The following POLB variants were observed in gnomAD, a reference collection of about 807,000 sequenced individuals.
POLB encodes the protein DNA polymerase beta, also known as 5'-dRP lyase.
Under a neutral mutation model 52.7 loss-of-function variants are expected in POLB, and 37 were observed. The observed-to-expected ratio is 0.70, with a 90% CI of 0.54 to 0.92. POLB has a LOEUF of 0.92. POLB is among the 40% of genes least tolerant of loss of function. The probability of loss-of-function intolerance (pLI) is 0.00; values close to 1 mark genes in which losing one functional copy is unlikely to be tolerated. For synonymous variants in POLB, 138 were observed against 131.3 expected (o/e 1.05, Z -0.35); for missense variants, 313 against 400.8 (o/e 0.78, Z 1.87).
chr8:42,355,551 CA>C lies in POLB; in HGVS notation c.407del (p.Gln136ArgfsTer5). On this transcript the variant is annotated frameshift_variant, in exon 7 of 14. Coordinates refer to ENST00000265421, the MANE Select transcript of POLB (RefSeq NM_002690.3). LOFTEE classifies it high-confidence loss of function. Reference sequence around the variant, plus strand: ...AAATGAAGATAAATTGAACCATCATCAGCGAATTGGGCTGAAGTAAGATGGC... The same window carrying C: ...AAATGAAGATAAATTGAACCATCATCGCGAATTGGGCTGAAGTAAGATGGC... ...RKNEDKLNHH[Q>X]RIGLKYFGDF... The C allele has an allele frequency of 1.3e-6, 2 of 1,595,640 alleles. No homozygotes were observed. The highest frequency in any genetic ancestry group is 1.7e-6 in the Non-Finnish European group (2 of 1,163,888).
At chr8:42,340,375 G>T (rs149625213) in intron 2 of POLB, among the ~76,000 whole-genome samples, 30 of 152,146 alleles carry the variant, frequency 2.0e-4, no homozygotes, top group Non-Finnish European at 3.8e-4. Context: ...TTATTAAAAC[G>T]ACTATATAAG....
At chr8:42,357,665 T>G (rs893106182) in intron 9 of POLB, 1 of 335,568 alleles carries the variant, frequency 3.0e-6, no homozygotes, top group Non-Finnish European at 5.3e-6. Flanking sequence ...ATGGTTGTCT[T>G]TGGCCTTTTG....
intron 8 of POLB, 47 bp downstream of exon 8, chr8:42,357,270 C>T (rs1011805576): frequency 1.4e-6 from 2 of 1,427,834 alleles, no homozygotes; most frequent in Admixed American, 3.4e-5. Context: ...GAGAGTGTCA[C>T]TTGGTGAAAA....
At chr8:42,347,121 G>A (rs1009460534) in intron 3 of POLB, among the ~76,000 whole-genome samples, 1 of 151,820 alleles carries the variant, frequency 6.6e-6, no homozygotes, top group African/African-American at 2.4e-5. Flanking sequence ...CTGCGCTTAT[G>A]GTATATTCCT....
chr8:42,362,790 T>C, intron 11 of POLB, 92 bp downstream of exon 11: 1 of 701,046 alleles, frequency 1.4e-6, no homozygotes. Flanking sequence ...TAGCTTTGAA[T>C]TACAGTCACC....
chr8:42,352,586 T>G lies in POLB; in HGVS notation c.370+18T>G. The G allele has an allele frequency of 2.0e-6, 3 of 1,482,038 alleles. No homozygotes were observed. In the South Asian group the frequency reaches 3.4e-5, roughly 17 times the overall value. 91.8% of individuals were successfully genotyped at this position (1,482,038 alleles called of 1,614,324 possible). ...ACTAGAAGGTGAGTATGACTGTAGG[T>G]CACTAATTCCAGATTAAATATGGTC... is the stretch of plus-strand genomic sequence containing the variant. On this transcript the variant is annotated intron_variant, in intron 6 of 13. Coordinates refer to ENST00000265421, the MANE Select transcript of POLB (RefSeq NM_002690.3).
intron 13 of POLB, among the ~76,000 whole-genome samples, 157 bp from the exon 14 acceptor site, chr8:42,371,406 A>G (rs1824383076): frequency 6.6e-6 from 1 of 151,884 alleles, no homozygotes; most frequent in South Asian, 2.1e-4. Flanking sequence ...TACAGGCGTG[A>G]GCTACCACAT....
At chr8:42,369,539 A>G in intron 12 of POLB, 1 of 517,338 alleles carries the variant, frequency 1.9e-6, no homozygotes, top group Non-Finnish European at 3.4e-6. Context: ...TATTTTCTCT[A>G]GATTTGCACC....
At chr8:42,359,735 C>T (rs1016948415) in intron 9 of POLB, among the ~76,000 whole-genome samples, 5 of 151,282 alleles carry the variant, frequency 3.3e-5, no homozygotes, top group African/African-American at 4.9e-5. Flanking sequence ...TTATCCAGTC[C>T]GCTATTAATG....
At chr8:42,341,189 G>A (rs1274942423) in intron 2 of POLB, among the ~76,000 whole-genome samples, 6 of 152,170 alleles carry the variant, frequency 3.9e-5, no homozygotes, top group African/African-American at 1.2e-4. Flanking sequence ...ATCTGATCTT[G>A]TCAGTCAAAT....
chr8:42,342,169 G>A (rs1822242757), intron 2 of POLB: 1 of 1,542,526 alleles, frequency 6.5e-7, no homozygotes, highest in South Asian at 1.1e-5. Flanking sequence ...AAACTTTATT[G>A]CCAGTGGTAG....
intron 3 of POLB, among the ~76,000 whole-genome samples, chr8:42,348,470 C>T (rs1191584412): frequency 6.6e-6 from 1 of 152,140 alleles, no homozygotes; most frequent in Non-Finnish European, 1.5e-5. Flanking sequence ...TCCAGAGCAG[C>T]GCTTCTTAGA....
At chr8:42,365,971 G>A (rs1824012004) in intron 11 of POLB, among the ~76,000 whole-genome samples, 1 of 152,040 alleles carries the variant, frequency 6.6e-6, no homozygotes, top group African/African-American at 2.4e-5. Context: ...GTGGTGGCGG[G>A]CGCCTGTAGT....
Position 42,352,639 on chromosome 8 carries a change from C to A in POLB, c.370+71C>A, listed in dbSNP as rs549097500. On this transcript the variant is annotated intron_variant, in intron 6 of 13. Transcript: ENST00000265421. ...GAAGGACCATTAGTGCTCTAACAAA[C>A]TTCAACTTGAAAAACCCATTCTCAA... The A allele has an allele frequency of 1.7e-5, 16 of 926,092 alleles. 2 individuals are homozygous for A. In the African/African-American group the frequency reaches 1.8e-4, roughly 10 times the overall value. 57.4% of individuals were successfully genotyped at this position (926,092 alleles called of 1,614,324 possible).
intron 9 of POLB, 156 bp downstream of exon 9, chr8:42,357,548 A>G (rs1341554028): frequency 5.9e-6 from 3 of 506,698 alleles, no homozygotes; most frequent in Admixed American, 3.8e-5. Context: ...ATAGATGGGA[A>G]TATGTAACTA....
At chr8:42,365,233 CTT>C (rs1398332307) in intron 11 of POLB, among the ~76,000 whole-genome samples, 2 of 152,152 alleles carry the variant, frequency 1.3e-5, no homozygotes, top group Non-Finnish European at 2.9e-5. Context: ...GGTGGTCACA[CTT>C]TAACAATGCT....
At position 42,361,296 on chromosome 8, in the gene POLB, T is replaced by G; in HGVS notation, c.552T>G (p.Gly184=). ...CATATGTGTCTTCTGTCATCACAGG[T>G]GCAGAGTCCAGTGGTGACATGGATG... The part of the protein sequence containing the change: ...IATVCGSFRR[G]AESSGDMDVL... The change falls in exon 10 of 14, where the codon GGT becomes GGG. Residue 184 remains glycine (G), a splice_region_variant and synonymous_variant. Coordinates refer to ENST00000265421, the MANE Select transcript of POLB (RefSeq NM_002690.3). 6.2e-7 allele frequency: 1 copy of G among 1,608,866 alleles called. No individual in the cohort carries two copies. Among genetic ancestry groups the G allele is most frequent in the Non-Finnish European group, 8.5e-7 (1 of 1,175,190 alleles).
At chr8:42,355,400 C>T (rs1215646462) in intron 6 of POLB, 116 bp from the exon 7 acceptor site, 3 of 647,798 alleles carry the variant, frequency 4.6e-6, no homozygotes, top group Non-Finnish European at 8.5e-6. Context: ...TGTTTTCAGT[C>T]ATTTCAATGT....
intron 10 of POLB, 130 bp downstream of exon 10, chr8:42,361,495 C>G (rs1432612292): frequency 2.9e-6 from 2 of 681,470 alleles, no homozygotes; most frequent in Non-Finnish European, 5.2e-6. Context: ...GAGCTTTGTA[C>G]TGATTGAATT....
Sources: gnomAD v4.1 joint callset for allele counts (sites outside exome capture counted in the v4.1 genomes callset) on GRCh38, gnomAD v4.1.1 for gene constraint, MANE v1.5 for transcripts, NCBI Gene and HGNC (gene_info 2026-07-23, HGNC 2026-07-21) for gene names.